Variants in CD38 observed in about 807,000 individuals in gnomAD.
CD38 encodes the protein ADP-ribosyl cyclase/cyclic ADP-ribose hydrolase 1.
CD38 carries 31 observed loss-of-function variants against 36.3 expected under a neutral mutation model. The observed-to-expected ratio is 0.85, with a 90% CI of 0.64 to 1.15. CD38 has a LOEUF of 1.15. Among genes scored for constraint, CD38 ranks in the 50% most tolerant of loss-of-function variants. The probability of loss-of-function intolerance (pLI) is 0.00; values close to 1 mark genes in which losing one functional copy is unlikely to be tolerated. For synonymous variants in CD38, 131 were observed against 135.2 expected, an observed-to-expected ratio of 0.97 and a Z score of 0.22; for missense variants, 380 against 371.9, an observed-to-expected ratio of 1.02 and a Z score of -0.18.
intron 1 of CD38, among the ~76,000 whole-genome samples, chr4:15,779,970 A>G (rs1722654677): frequency 6.6e-6 from 1 of 152,182 alleles, no homozygotes. Context: ...TTCATCCAAC[A>G]AGTATCTGTT....
At chr4:15,818,076 C>T (rs1387662367) in intron 2 of CD38, among the ~76,000 whole-genome samples, 2 of 150,406 alleles carry the variant, frequency 1.3e-5, no homozygotes, top group African/African-American at 4.9e-5. Flanking sequence ...CTCACTCCCA[C>T]GGAGACCAGC....
At chr4:15,819,464 A>G (rs1278673466) in intron 2 of CD38, among the ~76,000 whole-genome samples, 2 of 152,176 alleles carry the variant, frequency 1.3e-5, no homozygotes, top group African/African-American at 4.8e-5. Flanking sequence ...GAGCTGAAGG[A>G]GTATATTCTA....
Position 15,848,750 on chromosome 4 carries a change from A to G in CD38, c.*148A>G, listed in dbSNP as rs552787063. On this transcript the variant is annotated 3_prime_UTR_variant, in exon 8 of 8. Coordinates refer to ENST00000226279, the MANE Select transcript of CD38 (RefSeq NM_001775.4). ...CCAGAGACGGAAGCCTTTTTCCCCA[A>G]AGTCTTAAAATAACTTATATCATCA... 5.0e-5 allele frequency: 28 copies of G among 558,542 alleles called. No homozygotes were observed. The East Asian group carries it at 7.0e-4, about 14-fold the overall frequency. The allele number at this position is 558,542 out of a possible 1,614,324, so 34.6% of individuals were successfully genotyped here. A position where few individuals can be genotyped will look rare whatever the true frequency, so the allele number is the denominator to read the frequency against.
intron 1 of CD38, among the ~76,000 whole-genome samples, chr4:15,788,369 A>G (rs1319221030): frequency 6.6e-6 from 1 of 152,150 alleles, no homozygotes; most frequent in African/African-American, 2.4e-5. Context: ...TTGTCAGCCG[A>G]AACAGGGAAA....
At chr4:15,787,247 C>T (rs955890737) in intron 1 of CD38, among the ~76,000 whole-genome samples, 3 of 152,264 alleles carry the variant, frequency 2.0e-5, no homozygotes, top group Admixed American at 6.5e-5. Context: ...GCCACCAGCA[C>T]GTTGTCTCCT....
At chr4:15,840,149 A>G in intron 6 of CD38, 31 bp downstream of exon 6, 1 of 1,455,092 alleles carries the variant, frequency 6.9e-7, no homozygotes, top group Non-Finnish European at 9.7e-7. Flanking sequence ...CCCAAGTGTT[A>G]TTTTATGAAT....
chr4:15,834,834 C>T (rs1309677547), intron 4 of CD38, among the ~76,000 whole-genome samples: 3 of 152,164 alleles, frequency 2.0e-5, no homozygotes, highest in East Asian at 1.9e-4. Context: ...TTATCCCAAG[C>T]TGTCTGACTC....
At chr4:15,801,892 A>C (rs1318115594) in intron 1 of CD38, among the ~76,000 whole-genome samples, 6 of 152,190 alleles carry the variant, frequency 3.9e-5, no homozygotes, top group African/African-American at 1.4e-4. Flanking sequence ...GAACAAGATA[A>C]GGATGCTTAC....
intron 3 of CD38, among the ~76,000 whole-genome samples, chr4:15,828,326 A>AT (rs1014797680): frequency 3.9e-5 from 6 of 152,100 alleles, no homozygotes; most frequent in Admixed American, 3.3e-4. Context: ...TCAAATACTT[A>AT]TTTTTTGTAG....
chr4:15,816,628 AC>A lies in CD38; in HGVS notation c.353del (p.Pro118LeufsTer11). ...PLMKLGTQTV[P>X]CNKILLWSRI... ...TAATGAAGTTGGGAACTCAGACCGT[AC>A]CTTGCAACAAGGTAATTGGGGGCAT... On this transcript the variant is annotated frameshift_variant, in exon 2 of 8. Transcript: ENST00000226279. LOFTEE classifies it high-confidence loss of function. 6.2e-7 allele frequency: 1 copy of A among 1,613,988 alleles called. No homozygotes were observed. Among genetic ancestry groups the A allele is most frequent in the Non-Finnish European group, 8.5e-7 (1 of 1,179,900 alleles).
At chr4:15,825,191 T>C (rs943240407) in intron 3 of CD38, 175 bp downstream of exon 3, 2 of 581,546 alleles carry the variant, frequency 3.4e-6, no homozygotes, top group African/African-American at 3.8e-5. Context: ...TGAGGCTGCG[T>C]AATTTATAAA....
intron 1 of CD38, among the ~76,000 whole-genome samples, chr4:15,794,446 T>C (rs934919323): frequency 1.3e-5 from 2 of 152,172 alleles, no homozygotes; most frequent in African/African-American, 4.8e-5. Context: ...GATATAAATT[T>C]GGAAATCAAC....
chr4:15,804,229 A>G (rs1457144573), intron 1 of CD38, among the ~76,000 whole-genome samples: 1 of 152,132 alleles, frequency 6.6e-6, no homozygotes, highest in Non-Finnish European at 1.5e-5. Flanking sequence ...TAGTTCTTTA[A>G]GAAATCTCCA....
intron 3 of CD38, among the ~76,000 whole-genome samples, chr4:15,826,457 GCGCACACACA>G (rs1723849515): frequency 1.1e-5 from 1 of 89,424 alleles, no homozygotes; most frequent in Non-Finnish European, 2.1e-5. Flanking sequence ...ACACTTTTGT[GCGCACACACA>G]CACACACACA....
At position 15,820,939 on chromosome 4, in the gene CD38, G is replaced by A. The variant is rs1342729079; in HGVS notation, c.364-3942G>A. Among the ~76,000 whole-genome samples, 4 of 152,168 alleles carry A rather than the reference G, an allele frequency of 2.6e-5. No individual in the cohort carries two copies. In the East Asian group the frequency reaches 7.7e-4, roughly 29 times the overall value. ...TCTAAAATTGATCACACAATTGGAAGTAAATTACTCCTCAGCAAATGCAGA... is the reference window on the plus strand; with the variant it reads ...TCTAAAATTGATCACACAATTGGAAATAAATTACTCCTCAGCAAATGCAGA... On this transcript the variant is annotated intron_variant, in intron 2 of 7. Coordinates refer to ENST00000226279, the MANE Select transcript of CD38 (RefSeq NM_001775.4).
rs762612813 is a variant in CD38, at chr4:15,778,985, G to A, written c.233+338G>A. Reference sequence around the variant, plus strand: ...CCGGGCTGCAGCCCACCCTCGGCGCGCTCAGCCCGCTTCACCGCTTCAGGG... The same window carrying A: ...CCGGGCTGCAGCCCACCCTCGGCGCACTCAGCCCGCTTCACCGCTTCAGGG... On this transcript the variant is annotated intron_variant, in intron 1 of 7. Coordinates refer to ENST00000226279, the MANE Select transcript of CD38 (RefSeq NM_001775.4). This position sits in a 1 kb window ranked among gnomAD's most constrained non-coding sequence, Gnocchi z 4.9. 6.6e-6 allele frequency among the ~76,000 whole-genome samples: 1 copy of A among 152,218 alleles called. No individual in the cohort carries two copies. The highest frequency in any genetic ancestry group is 1.5e-5 in the Non-Finnish European group (1 of 68,042).
Position 15,853,162 on chromosome 4 carries a change from ACT to A in CD38, c.*4565_*4566del, listed in dbSNP as rs1167651890. ...TTGGGCGAGTTTATTAACATCTGTG[ACT>A]CTCTAGTTTGAAATTTATTTGTAAC... On this transcript the variant is annotated 3_prime_UTR_variant, in exon 8 of 8. Coordinates refer to ENST00000226279, the MANE Select transcript of CD38 (RefSeq NM_001775.4). 2.0e-5 allele frequency: 3 copies of A among 152,124 alleles called. No homozygotes were observed. Among genetic ancestry groups the A allele is most frequent in the South Asian group, 2.1e-4 (1 of 4,818 alleles). 9.4% of individuals were successfully genotyped at this position (152,124 alleles called of 1,614,324 possible).
At chr4:15,827,749 A>G (rs970789894) in intron 3 of CD38, among the ~76,000 whole-genome samples, 6 of 152,128 alleles carry the variant, frequency 3.9e-5, no homozygotes, top group African/African-American at 1.4e-4. Context: ...ATTTATTTAC[A>G]GTTCAGAGTT....
chr4:15,839,894 A>C (rs1724163621), intron 5 of CD38, 132 bp from the exon 6 acceptor site: 5 of 700,686 alleles, frequency 7.1e-6, no homozygotes, highest in Non-Finnish European at 1.3e-5. Context: ...TTATTGACTG[A>C]TTTGCAATTT....
Sources: allele counts gnomAD v4.1 joint callset (sites outside exome capture counted in the v4.1 genomes callset), GRCh38; gene constraint gnomAD v4.1.1; non-coding constraint Gnocchi (gnomAD v3.1); transcripts MANE v1.5; gene names NCBI Gene and HGNC (gene_info 2026-07-23, HGNC 2026-07-21).